The following ANKMY1 variants were observed in gnomAD, a reference collection of about 807,000 sequenced individuals.
ANKMY1 encodes ankyrin repeat and MYND domain containing 1.
ANKMY1 carries 98 observed loss-of-function variants against 102.0 expected under a neutral mutation model. The ratio of observed to expected loss-of-function variants is 0.96; its 90% CI spans 0.82 to 1.14. ANKMY1 has a LOEUF of 1.14. Ranked by LOEUF, ANKMY1 falls within the 50% of genes most tolerant of loss-of-function variation. The probability of loss-of-function intolerance (pLI) is 0.00; values close to 1 mark genes in which losing one functional copy is unlikely to be tolerated. For missense variants in ANKMY1, 1,330 were observed against 1,347.6 expected (o/e 0.99, Z 0.20); for synonymous variants, 582 against 559.9 (o/e 1.04, Z -0.56).
At chr2:240,472,320 T>G in the ANKMY1 span, among the ~76,000 whole-genome samples, 34 of 151,924 alleles carry the variant, frequency 2.2e-4, no homozygotes, top group African/African-American at 8.0e-4. Context: ...GAAGGAGCCC[T>G]GTGACCCAGC....
intron 13 of ANKMY1, 54 bp downstream of exon 13, chr2:240,507,505 AC>A: frequency 6.8e-7 from 1 of 1,467,160 alleles, no homozygotes; most frequent in South Asian, 1.3e-5. Flanking sequence ...ACTCAGGGCC[AC>A]CCCACCACCC....
the ANKMY1 span, among the ~76,000 whole-genome samples, chr2:240,471,902 G>A: frequency 6.6e-6 from 1 of 152,250 alleles, no homozygotes; most frequent in Non-Finnish European, 1.5e-5. Flanking sequence ...CCTGACACAG[G>A]AACCATCTGC....
At chr2:240,508,407 C>T (rs920274195) in intron 12 of ANKMY1, among the ~76,000 whole-genome samples, 5 of 152,284 alleles carry the variant, frequency 3.3e-5, no homozygotes, top group African/African-American at 1.2e-4. Flanking sequence ...GTGCTGGCCT[C>T]TGCAGAAGCA....
At chr2:240,493,358 T>C (rs1432331744) in intron 15 of ANKMY1, among the ~76,000 whole-genome samples, 1 of 152,218 alleles carries the variant, frequency 6.6e-6, no homozygotes, top group African/African-American at 2.4e-5. Flanking sequence ...TAAGACCTAT[T>C]GCTGGATAAT....
chr2:240,512,072 A>C, intron 10 of ANKMY1, 71 bp from the exon 11 acceptor site: 1 of 1,459,448 alleles, frequency 6.9e-7, no homozygotes, highest in Non-Finnish European at 9.0e-7. Flanking sequence ...AAACGGAGCA[A>C]GGGAGCTTCC....
At chr2:240,560,795 G>A (rs2092918610), upstream of ANKMY1, 3 of 1,449,944 alleles carry the variant, frequency 2.1e-6, no homozygotes, top group African/African-American at 1.5e-5. Flanking sequence ...CGGGCGCGGA[G>A]GAGCAGCTGG....
the ANKMY1 span, among the ~76,000 whole-genome samples, chr2:240,472,680 C>T: frequency 7.1e-6 from 1 of 141,210 alleles, no homozygotes; most frequent in Non-Finnish European, 1.5e-5. Flanking sequence ...CAGCAGCAGC[C>T]ATGTGACTAA....
chr2:240,485,283 G>A (rs1307202918), intron 15 of ANKMY1, among the ~76,000 whole-genome samples: 3 of 150,840 alleles, frequency 2.0e-5, no homozygotes, highest in African/African-American at 4.9e-5. Context: ...AGCCGAGATC[G>A]CGCCCCTGCA....
At chr2:240,486,946 A>T (rs1289192373) in intron 15 of ANKMY1, among the ~76,000 whole-genome samples, 1 of 152,196 alleles carries the variant, frequency 6.6e-6, no homozygotes, top group Admixed American at 6.6e-5. Context: ...AGCACATCAA[A>T]AAGTTTTGTG....
chr2:240,509,255 A>C (rs1390253845), intron 12 of ANKMY1, 93 bp downstream of exon 12: 4 of 990,070 alleles, frequency 4.0e-6, no homozygotes, highest in Non-Finnish European at 5.9e-6. Context: ...ATAAATGGCC[A>C]ACAACTTCAA....
intron 14 of ANKMY1, 132 bp downstream of exon 14, chr2:240,500,320 C>T (rs1227449986): frequency 8.5e-7 from 1 of 1,176,356 alleles, no homozygotes; most frequent in East Asian, 2.4e-5. Flanking sequence ...CCTCTGCAGC[C>T]AAGGGGCTGC....
intron 10 of ANKMY1, among the ~76,000 whole-genome samples, chr2:240,512,296 G>A (rs968169373): frequency 6.6e-6 from 1 of 152,218 alleles, no homozygotes; most frequent in Non-Finnish European, 1.5e-5. Flanking sequence ...AATGGCTCCT[G>A]CTGTGTGCTG....
chr2:240,474,492 G>A (rs953854639), downstream of ANKMY1, among the ~76,000 whole-genome samples: 1 of 152,098 alleles, frequency 6.6e-6, no homozygotes, highest in Non-Finnish European at 1.5e-5. Flanking sequence ...ATGGGGGGTT[G>A]TTGTACAGAT....
chr2:240,480,027 C>T (rs111505646), intron 17 of ANKMY1, among the ~76,000 whole-genome samples: 10,967 of 152,148 alleles, frequency 0.072, 488 homozygotes, highest in South Asian at 0.16. Context: ...CTGGCTAACA[C>T]GGTGAAACCA....
intron 13 of ANKMY1, among the ~76,000 whole-genome samples, chr2:240,504,272 AG>A (rs2078696493): frequency 2.0e-5 from 3 of 152,252 alleles, no homozygotes; most frequent in Admixed American, 2.0e-4. Context: ...CTAGGGTTTC[AG>A]GGACTCTCTG....
chr2:240,550,363 TG>T (rs1272257126), intron 4 of ANKMY1, among the ~76,000 whole-genome samples: 1 of 88,682 alleles, frequency 1.1e-5, no homozygotes, highest in Admixed American at 1.8e-4. Context: ...GGGACTGCTG[TG>T]GGGTGGGGGG....
intron 15 of ANKMY1, among the ~76,000 whole-genome samples, chr2:240,490,126 T>A (rs1192560302): frequency 2.0e-5 from 3 of 152,216 alleles, no homozygotes; most frequent in Non-Finnish European, 2.9e-5. Flanking sequence ...TTTACAGAGA[T>A]TCATTTCTTC....
At chr2:240,513,312 C>G (rs2080596016) in intron 9 of ANKMY1, among the ~76,000 whole-genome samples, 1 of 152,234 alleles carries the variant, frequency 6.6e-6, no homozygotes, top group Non-Finnish European at 1.5e-5. Flanking sequence ...TGAGTGGCCT[C>G]CTGACTCCAG....
At chr2:240,486,343 A>C (rs577768644) in intron 15 of ANKMY1, among the ~76,000 whole-genome samples, 28 of 152,332 alleles carry the variant, frequency 1.8e-4, no homozygotes, top group African/African-American at 6.5e-4. Flanking sequence ...AATTCAATGC[A>C]TACATATATA....
Sources: gnomAD v4.1 joint callset for allele counts (sites outside exome capture counted in the v4.1 genomes callset) on GRCh38, gnomAD v4.1.1 for gene constraint, MANE v1.5 for transcripts, NCBI Gene and HGNC (gene_info 2026-07-23, HGNC 2026-07-21) for gene names.